Variants in PRKCI observed in about 807,000 individuals in gnomAD.
PRKCI encodes the protein protein kinase C iota.
A neutral mutation model predicts 84.0 loss-of-function variants in PRKCI; 43 were observed. The ratio of observed to expected loss-of-function variants is 0.51; its 90% CI spans 0.40 to 0.66. The LOEUF is 0.66. PRKCI is among the 30% of genes least tolerant of loss of function. The probability of loss-of-function intolerance (pLI) is 0.00; values close to 1 mark genes in which losing one functional copy is unlikely to be tolerated. For missense variants in PRKCI, 459 were observed against 745.6 expected (o/e 0.62, Z 4.48); for synonymous variants, 216 against 234.4 (o/e 0.92, Z 0.72).
At chr3:170,273,206 T>G in intron 6 of PRKCI, 80 bp from the exon 7 acceptor site, 1 of 1,120,944 alleles carries the variant, frequency 8.9e-7, no homozygotes, top group African/African-American at 1.5e-5. Context: ...TTTAATATGC[T>G]GTGTGTTGTT....
At chr3:170,293,295 C>T in intron 13 of PRKCI, 88 bp from the exon 14 acceptor site, 2 of 1,321,380 alleles carry the variant, frequency 1.5e-6, no homozygotes, top group African/African-American at 3.0e-5. Flanking sequence ...TTCATTGTTT[C>T]TTTTTCCTTT....
chr3:170,284,882 C>G (rs906661943), intron 12 of PRKCI, among the ~76,000 whole-genome samples: 1 of 152,092 alleles, frequency 6.6e-6, no homozygotes, highest in Non-Finnish European at 1.5e-5. Flanking sequence ...TAAAAATTGT[C>G]TGCAATTCCA....
chr3:170,281,833 A>G, intron 10 of PRKCI, 49 bp from the exon 11 acceptor site: 1 of 1,535,912 alleles, frequency 6.5e-7, no homozygotes, highest in Non-Finnish European at 8.7e-7. Flanking sequence ...GCAAAGTTAC[A>G]CTACCTTATT....
intron 2 of PRKCI, among the ~76,000 whole-genome samples, chr3:170,242,721 G>A (rs989266475): frequency 2.0e-5 from 3 of 151,736 alleles, no homozygotes; most frequent in Non-Finnish European, 4.4e-5. Flanking sequence ...CCCAGGCTGG[G>A]GTGCAGTGGT....
chr3:170,266,643 A>G (rs1204180238), intron 4 of PRKCI, among the ~76,000 whole-genome samples: 20 of 152,174 alleles, frequency 1.3e-4, no homozygotes, highest in African/African-American at 4.8e-4. Flanking sequence ...AAAAAGCATG[A>G]TCAAATGCAG....
At chr3:170,296,996 A>G (rs1326589237) in intron 15 of PRKCI, among the ~76,000 whole-genome samples, 1 of 152,216 alleles carries the variant, frequency 6.6e-6, no homozygotes, top group Non-Finnish European at 1.5e-5. Flanking sequence ...ACACTAGGTC[A>G]TGCAAAGAAA....
At chr3:170,293,637 G>T in intron 14 of PRKCI, 129 bp downstream of exon 14, 2 of 1,094,824 alleles carry the variant, frequency 1.8e-6, no homozygotes, top group Non-Finnish European at 2.5e-6. Flanking sequence ...CTGACTGGTG[G>T]TATTAGGTTT....
intron 7 of PRKCI, among the ~76,000 whole-genome samples, chr3:170,273,692 G>A (rs1734049952): frequency 6.6e-6 from 1 of 151,844 alleles, no homozygotes; most frequent in Admixed American, 6.6e-5. Flanking sequence ...GCACACTCCT[G>A]TAGTCCCAGC....
At chr3:170,231,475 T>C (rs1467602270) in intron 1 of PRKCI, among the ~76,000 whole-genome samples, 2 of 151,980 alleles carry the variant, frequency 1.3e-5, no homozygotes, top group Non-Finnish European at 2.9e-5. Flanking sequence ...ATTTATTTTA[T>C]GTTTTTTGAG....
chr3:170,283,540 C>T (rs112017238), intron 11 of PRKCI, among the ~76,000 whole-genome samples: 3,249 of 152,132 alleles, frequency 0.021, 89 homozygotes, highest in South Asian at 0.11. Flanking sequence ...CATTTATGTT[C>T]ATTGTGTATT....
At chr3:170,229,774 C>A (rs574532940) in intron 1 of PRKCI, among the ~76,000 whole-genome samples, 1 of 152,182 alleles carries the variant, frequency 6.6e-6, no homozygotes, top group African/African-American at 2.4e-5. Context: ...GCTTAATTTA[C>A]ATTCTTAACA....
At position 170,248,242 on chromosome 3, in the gene PRKCI, G is replaced by A. The variant is rs184862649; in HGVS notation, c.224-11727G>A. Among the ~76,000 whole-genome samples the A allele has an allele frequency of 2.8e-3, 424 of 152,236 alleles. 1 individual carries two copies. Among genetic ancestry groups the A allele is most frequent in the African/African-American group, 8.9e-3 (370 of 41,544 alleles). ...TGTTTCATGTTCTACATCCTGTCAG[G>A]TTATCTCATATAAATAATTGGATTG... On this transcript the variant is annotated intron_variant, in intron 2 of 17. Coordinates refer to ENST00000295797, the MANE Select transcript of PRKCI (RefSeq NM_002740.6).
At position 170,267,772 on chromosome 3, in the gene PRKCI, A is replaced by G. The variant is rs370993458; in HGVS notation, c.365-143A>G. ...TTTTCTTTGGTCCCTTGATGAATCT[A>G]TTTTATTTTTTGACGTTCAGGTTTT... On this transcript the variant is annotated intron_variant, in intron 4 of 17. Coordinates refer to ENST00000295797, the MANE Select transcript of PRKCI (RefSeq NM_002740.6). 6.6e-4 allele frequency: 337 copies of G among 509,108 alleles called. 2 individuals are homozygous for G. Among genetic ancestry groups the G allele is most frequent in the African/African-American group, 5.0e-3 (252 of 50,570 alleles). The allele number at this position is 509,108 out of a possible 1,614,324, so 31.5% of individuals were successfully genotyped here.
At chr3:170,231,854 T>A (rs2108835690) in intron 1 of PRKCI, among the ~76,000 whole-genome samples, 1 of 152,266 alleles carries the variant, frequency 6.6e-6, no homozygotes, top group South Asian at 2.1e-4. Context: ...AATAGAAAAA[T>A]TTCTGTCAAT....
At position 170,302,905 on chromosome 3, in the gene PRKCI, G is replaced by A. The variant is rs115366686; in HGVS notation, c.1704-135G>A. On this transcript the variant is annotated intron_variant, in intron 17 of 17. Coordinates refer to ENST00000295797, the MANE Select transcript of PRKCI (RefSeq NM_002740.6). The stretch of plus-strand genomic sequence containing the variant: ...TTCTTGATTCGTCTAGAAAATCTGG[G>A]GGATTAATCTAAAAATTTATAGATT... The A allele has an allele frequency of 2.3e-3, 1,290 of 552,538 alleles. 4 individuals carry two copies. Among genetic ancestry groups the A allele is most frequent in the Non-Finnish European group, 3.3e-3 (1,105 of 339,276 alleles). The allele number at this position is 552,538 out of a possible 1,614,324, so 34.2% of individuals were successfully genotyped here.
intron 2 of PRKCI, among the ~76,000 whole-genome samples, chr3:170,240,335 G>A (rs1040347978): frequency 1.3e-5 from 2 of 151,736 alleles, no homozygotes; most frequent in African/African-American, 2.4e-5. Flanking sequence ...GATGCACATA[G>A]TAAATTAACT....
intron 2 of PRKCI, among the ~76,000 whole-genome samples, chr3:170,245,949 G>GTTTTTTTTTTTTGTTTGTTTGTTTT (rs1733266404): frequency 7.3e-5 from 6 of 82,458 alleles, no homozygotes; most frequent in East Asian, 3.2e-4. Context: ...TTATGTCTTT[G>GTTTTTTTTTTTTGTTTGTTTGTTTT]TTTTTTTTTT....
chr3:170,303,628 T>C lies in PRKCI; in HGVS notation c.*501T>C, dbSNP rs1243039412. Reference sequence around the variant, plus strand: ...AATTCAGGTGTAAATTTTATTGCCTTGGATAAATAAATTATTGATCTTTTT... The same window carrying C: ...AATTCAGGTGTAAATTTTATTGCCTCGGATAAATAAATTATTGATCTTTTT... On this transcript the variant is annotated 3_prime_UTR_variant, in exon 18 of 18. Transcript: ENST00000295797. 4.4e-6 allele frequency: 1 copy of C among 225,398 alleles called. No individual in the cohort carries two copies. The highest frequency in any genetic ancestry group is 8.8e-6 in the Non-Finnish European group (1 of 113,248). 14.0% of individuals were successfully genotyped at this position (225,398 alleles called of 1,614,324 possible). A position where few individuals can be genotyped will look rare whatever the true frequency, so the allele number is the denominator to read the frequency against.
chr3:170,255,153 C>T (rs185727734), intron 2 of PRKCI, among the ~76,000 whole-genome samples: 18 of 150,400 alleles, frequency 1.2e-4, no homozygotes, highest in South Asian at 8.4e-4. Flanking sequence ...CTCCACCTCC[C>T]GGGTTCAAGT....
Sources: gnomAD v4.1 joint callset for allele counts (sites outside exome capture counted in the v4.1 genomes callset) on GRCh38, gnomAD v4.1.1 for gene constraint, MANE v1.5 for transcripts, NCBI Gene and HGNC (gene_info 2026-07-23, HGNC 2026-07-21) for gene names.